The following SPOCK3 variants were observed in gnomAD, a reference collection of about 807,000 sequenced individuals.
SPOCK3 encodes testican-3.
Under a neutral mutation model 56.6 loss-of-function variants are expected in SPOCK3, and 30 were observed. The observed-to-expected ratio is 0.53, with a 90% CI of 0.40 to 0.72. The LOEUF (loss-of-function observed/expected upper bound fraction) is 0.72. Ranked by LOEUF, SPOCK3 falls within the 30% of genes least tolerant of loss-of-function variation. The pLI is 0.00. For synonymous variants in SPOCK3, 196 were observed against 183.3 expected, an observed-to-expected ratio of 1.07 and a Z score of -0.56; for missense variants, 527 against 530.0, an observed-to-expected ratio of 0.99 and a Z score of 0.06.
At chr4:167,003,850 T>C (rs939393077) in intron 3 of SPOCK3, among the ~76,000 whole-genome samples, 1 of 152,220 alleles carries the variant, frequency 6.6e-6, no homozygotes, top group Non-Finnish European at 1.5e-5. Context: ...TGCCATATAA[T>C]GTATCCTTTG....
At chr4:166,994,070 G>A (rs2150116831) in intron 4 of SPOCK3, among the ~76,000 whole-genome samples, 1 of 152,202 alleles carries the variant, frequency 6.6e-6, no homozygotes, top group South Asian at 2.1e-4. Flanking sequence ...TAACCATTAT[G>A]CTGAAAAGCC....
intron 2 of SPOCK3, among the ~76,000 whole-genome samples, chr4:167,148,489 G>A (rs531153043): frequency 1.1e-4 from 16 of 152,124 alleles, no homozygotes; most frequent in South Asian, 6.2e-4. Context: ...TCAACCAATC[G>A]TGTTAAACTT....
chr4:167,070,762 A>G (rs1756594614), intron 2 of SPOCK3, among the ~76,000 whole-genome samples: 1 of 151,976 alleles, frequency 6.6e-6, no homozygotes. Flanking sequence ...AAATTTCACA[A>G]AAGAGGAAAC....
chr4:167,133,510 T>G (rs1447457242), intron 2 of SPOCK3, among the ~76,000 whole-genome samples: 1 of 152,226 alleles, frequency 6.6e-6, no homozygotes, highest in Non-Finnish European at 1.5e-5. Flanking sequence ...TCCAGCATTC[T>G]TTTGTAAAGC....
chr4:166,796,686 G>A (rs1309472762), intron 6 of SPOCK3, among the ~76,000 whole-genome samples: 1 of 152,136 alleles, frequency 6.6e-6, no homozygotes, highest in Non-Finnish European at 1.5e-5. Context: ...TTGGTAAAGA[G>A]ATTTTTCTAA....
intron 6 of SPOCK3, among the ~76,000 whole-genome samples, chr4:166,818,205 C>T (rs982360556): frequency 2.6e-5 from 4 of 151,852 alleles, no homozygotes; most frequent in African/African-American, 9.7e-5. Flanking sequence ...CTGTGAATGA[C>T]AGGATTTCAT....
intron 2 of SPOCK3, among the ~76,000 whole-genome samples, chr4:167,081,267 C>T (rs1757681064): frequency 6.6e-6 from 1 of 151,950 alleles, no homozygotes; most frequent in African/African-American, 2.4e-5. Flanking sequence ...ATAATATCAC[C>T]TTTGCTGGGC....
chr4:166,899,534 T>G (rs1423845460), intron 5 of SPOCK3, among the ~76,000 whole-genome samples: 2 of 120,762 alleles, frequency 1.7e-5, no homozygotes, highest in African/African-American at 6.3e-5. Flanking sequence ...TGAGACAGAG[T>G]CTTGCTCTGC....
chr4:167,233,425 G>A (rs1431659335), intron 2 of SPOCK3, among the ~76,000 whole-genome samples: 1 of 152,186 alleles, frequency 6.6e-6, no homozygotes, highest in African/African-American at 2.4e-5. Flanking sequence ...CTAGATTAAA[G>A]TCATGTCGAA....
At chr4:167,159,012 G>T (rs1765053941) in intron 2 of SPOCK3, among the ~76,000 whole-genome samples, 1 of 151,848 alleles carries the variant, frequency 6.6e-6, no homozygotes, top group Admixed American at 6.6e-5. Context: ...CATCTTACTT[G>T]AGCTCAATCC....
At chr4:167,066,591 T>C (rs112827094) in intron 2 of SPOCK3, among the ~76,000 whole-genome samples, 11,332 of 151,914 alleles carry the variant, frequency 0.075, 563 homozygotes, top group African/African-American at 0.14. Context: ...TAATATTTTA[T>C]TAAGAACACT....
At chr4:166,954,859 T>C (rs1476202760) in intron 4 of SPOCK3, among the ~76,000 whole-genome samples, 1 of 152,190 alleles carries the variant, frequency 6.6e-6, no homozygotes, top group Non-Finnish European at 1.5e-5. Flanking sequence ...CTACTTTCTA[T>C]CTCTGTAGAT....
chr4:166,947,990 A>G (rs1440052441), intron 4 of SPOCK3, among the ~76,000 whole-genome samples: 1 of 152,118 alleles, frequency 6.6e-6, no homozygotes, highest in African/African-American at 2.4e-5. Context: ...GTAACTTTGT[A>G]CCTATTCTCT....
At chr4:167,208,624 C>G (rs1483829594) in intron 2 of SPOCK3, among the ~76,000 whole-genome samples, 2 of 151,972 alleles carry the variant, frequency 1.3e-5, no homozygotes, top group Non-Finnish European at 2.9e-5. Flanking sequence ...TTCCATTACT[C>G]CTTGTTGAAC....
Position 167,162,050 on chromosome 4 carries a change from A to G in SPOCK3, c.189+71935T>C, listed in dbSNP as rs373903286. ...AAACTTAAAGTATAATAATAAAAAA[A>G]AAGAAGACACAGAGAAGGCTCTGGA... On this transcript the variant is annotated intron_variant, in intron 2 of 10. Coordinates refer to ENST00000357545, the MANE Select transcript of SPOCK3 (RefSeq NM_001040159.2). Among the ~76,000 whole-genome samples, 42 of 152,190 alleles carry G rather than the reference A, an allele frequency of 2.8e-4. 1 individual carries two copies. The highest frequency in any genetic ancestry group is 8.2e-4 in the African/African-American group (34 of 41,550).
At chr4:167,051,424 C>T (rs1282995794) in intron 3 of SPOCK3, among the ~76,000 whole-genome samples, 1 of 152,130 alleles carries the variant, frequency 6.6e-6, no homozygotes, top group African/African-American at 2.4e-5. Context: ...TTGTTTCTTT[C>T]TTTGTTTTTT....
intron 4 of SPOCK3, among the ~76,000 whole-genome samples, chr4:166,991,187 C>A (rs1205634307): frequency 1.3e-5 from 2 of 151,780 alleles, no homozygotes; most frequent in East Asian, 3.9e-4. Flanking sequence ...CTTTAATTCA[C>A]CACTATTTTT....
chr4:166,949,625 G>C (rs983749443), intron 4 of SPOCK3, among the ~76,000 whole-genome samples: 8 of 152,116 alleles, frequency 5.3e-5, no homozygotes, highest in Admixed American at 3.9e-4. Context: ...TGTTTGCCTG[G>C]GTATCCACAG....
At chr4:166,784,803 A>G (rs1434022694) in intron 7 of SPOCK3, among the ~76,000 whole-genome samples, 2 of 152,232 alleles carry the variant, frequency 1.3e-5, no homozygotes, top group East Asian at 3.9e-4. Flanking sequence ...ACTGAGGAGA[A>G]CATTTGGCTT....
Sources: allele counts gnomAD v4.1 joint callset (sites outside exome capture counted in the v4.1 genomes callset), GRCh38; gene constraint gnomAD v4.1.1; transcripts MANE v1.5; gene names NCBI Gene and HGNC (gene_info 2026-07-23, HGNC 2026-07-21).